The following SMYD3 variants were observed in gnomAD, a reference collection of about 807,000 sequenced individuals.
SMYD3 encodes the protein histone-lysine N-methyltransferase SMYD3.
A neutral mutation model predicts 57.7 loss-of-function variants in SMYD3; 36 were observed. That is an observed-to-expected ratio of 0.62 (90% CI 0.48 to 0.82). The LOEUF is 0.82. Ranked by LOEUF, SMYD3 falls within the 40% of genes least tolerant of loss-of-function variation. SMYD3 has a pLI of 0.00. For missense variants in SMYD3, 515 were observed against 538.8 expected (o/e 0.96, Z 0.44); for synonymous variants, 211 against 195.0 (o/e 1.08, Z -0.68).
chr1:246,183,676 AAGT>A (rs1264632287), intron 5 of SMYD3, among the ~76,000 whole-genome samples: 1 of 152,192 alleles, frequency 6.6e-6, no homozygotes, highest in Non-Finnish European at 1.5e-5. Context: ...CAGGGAAGTG[AAGT>A]AGTAGCTCAA....
At chr1:246,030,895 T>C (rs765340307) in intron 5 of SMYD3, among the ~76,000 whole-genome samples, 1 of 152,072 alleles carries the variant, frequency 6.6e-6, no homozygotes, top group African/African-American at 2.4e-5. Context: ...AATCCCAAAA[T>C]AGAATCCCCC....
chr1:246,101,071 GT>G (rs754724096), intron 5 of SMYD3, among the ~76,000 whole-genome samples: 168 of 54,114 alleles, frequency 3.1e-3, no homozygotes, highest in African/African-American at 5.9e-3. Context: ...GGGGTTTTTT[GT>G]TTTTTTTTTT....
At chr1:245,981,309 C>A (rs2058592190) in intron 5 of SMYD3, among the ~76,000 whole-genome samples, 1 of 152,198 alleles carries the variant, frequency 6.6e-6, no homozygotes, top group African/African-American at 2.4e-5. Flanking sequence ...GGATGAGGAT[C>A]TGCCACTGCT....
At chr1:245,749,716 GC>G in intron 11 of SMYD3, 52 bp from the exon 12 acceptor site, 1 of 1,439,370 alleles carries the variant, frequency 6.9e-7, no homozygotes, top group Non-Finnish European at 9.8e-7. Context: ...GTGAGCTCAG[GC>G]CATTCCCCAC....
chr1:246,106,054 C>A (rs1321878112), intron 5 of SMYD3, among the ~76,000 whole-genome samples: 1 of 152,192 alleles, frequency 6.6e-6, no homozygotes, highest in East Asian at 1.9e-4. Flanking sequence ...GCCCAGCATG[C>A]CAGTTTTGCT....
At chr1:246,212,083 T>C (rs547114011) in intron 5 of SMYD3, among the ~76,000 whole-genome samples, 1 of 152,044 alleles carries the variant, frequency 6.6e-6, no homozygotes, top group Non-Finnish European at 1.5e-5. Context: ...CACTCAATAC[T>C]GGTAAGGATG....
At chr1:246,310,424 T>G (rs2065056573) in intron 5 of SMYD3, among the ~76,000 whole-genome samples, 1 of 152,222 alleles carries the variant, frequency 6.6e-6, no homozygotes, top group African/African-American at 2.4e-5. Context: ...TACTAGCACC[T>G]AACTGGAGGA....
intron 5 of SMYD3, among the ~76,000 whole-genome samples, chr1:246,282,600 T>A (rs1002255059): frequency 6.6e-6 from 1 of 151,756 alleles, no homozygotes; most frequent in Non-Finnish European, 1.5e-5. Flanking sequence ...CCTATCATTA[T>A]TTTTCCACAT....
intron 1 of SMYD3, among the ~76,000 whole-genome samples, chr1:246,405,835 A>G (rs1158821286): frequency 6.7e-6 from 1 of 149,266 alleles, no homozygotes; most frequent in Non-Finnish European, 1.5e-5. Flanking sequence ...GCGTGAACCC[A>G]GGAGGCAGAG....
chr1:246,276,524 C>A (rs1216102823), intron 5 of SMYD3, among the ~76,000 whole-genome samples: 6 of 149,240 alleles, frequency 4.0e-5, no homozygotes, highest in Admixed American at 1.3e-4. Flanking sequence ...CTGTTTTTTA[C>A]TAGCCGTATT....
At chr1:246,152,230 A>C (rs1335849838) in intron 5 of SMYD3, among the ~76,000 whole-genome samples, 1 of 152,198 alleles carries the variant, frequency 6.6e-6, no homozygotes, top group Non-Finnish European at 1.5e-5. Flanking sequence ...AGCCTGGGAC[A>C]CCTGGCGTCT....
At chr1:246,303,140 C>G (rs2064921548) in intron 5 of SMYD3, among the ~76,000 whole-genome samples, 1 of 152,160 alleles carries the variant, frequency 6.6e-6, no homozygotes, top group South Asian at 2.1e-4. Flanking sequence ...CCAGGCTCTC[C>G]TACTTTGTTG....
intron 10 of SMYD3, among the ~76,000 whole-genome samples, chr1:245,821,139 T>C (rs1476017543): frequency 6.7e-6 from 1 of 150,050 alleles, no homozygotes. Flanking sequence ...CTACCTGACT[T>C]CAAACTATAC....
chr1:245,818,494 C>A (rs2048978637), intron 10 of SMYD3, among the ~76,000 whole-genome samples: 1 of 152,050 alleles, frequency 6.6e-6, no homozygotes, highest in Admixed American at 6.5e-5. Context: ...AACTAACGAG[C>A]AAAATAACCA....
Position 246,325,164 on chromosome 1 carries a change from G to A in SMYD3, c.531+2037C>T, listed in dbSNP as rs71638327. Among the ~76,000 whole-genome samples the A allele has an allele frequency of 7.1e-3, 4 of 564 alleles. 2 individuals carry two copies. The highest frequency in any genetic ancestry group is 0.01 in the Non-Finnish European group (2 of 200). The allele number at this position is 564 out of a possible 152,430, so 0.4% of individuals were successfully genotyped here. A position where few individuals can be genotyped will look rare whatever the true frequency, so the allele number is the denominator to read the frequency against. On this transcript the variant is annotated intron_variant, in intron 5 of 11. Transcript: ENST00000490107. ...AGGAGGGAGAAGGAGTCGGGGGGGCGGGAAGGAGGGAAAAGGAGTCGGGGG... is the reference window on the plus strand; with the variant it reads ...AGGAGGGAGAAGGAGTCGGGGGGGCAGGAAGGAGGGAAAAGGAGTCGGGGG...
chr1:246,461,102 G>T (rs2067790731), intron 1 of SMYD3, among the ~76,000 whole-genome samples: 1 of 152,204 alleles, frequency 6.6e-6, no homozygotes, highest in Non-Finnish European at 1.5e-5. Flanking sequence ...AAAAATGTAA[G>T]TTAAAGAGAA....
At chr1:245,872,432 G>A (rs1198881324) in intron 8 of SMYD3, among the ~76,000 whole-genome samples, 1 of 95,340 alleles carries the variant, frequency 1.0e-5, no homozygotes, top group African/African-American at 4.8e-5. Flanking sequence ...CAGAGTTCCT[G>A]CCGCCTTCTC....
rs554772553 is a variant in SMYD3, at chr1:245,883,877, G to A, written c.814-19991C>T. ...TTGTCGTGGGAAGCAACAGATAAAG[G>A]TGAAAATGGCCAAAACCCAGAGTGG... is the stretch of plus-strand genomic sequence containing the variant. On this transcript the variant is annotated intron_variant, in intron 8 of 11. Transcript: ENST00000490107. Among the ~76,000 whole-genome samples, 5 of 152,276 alleles carry A rather than the reference G, an allele frequency of 3.3e-5. 1 individual carries two copies. Among genetic ancestry groups the A allele is most frequent in the African/African-American group, 1.2e-4 (5 of 41,568 alleles).
At chr1:245,977,756 C>G (rs369684389) in intron 5 of SMYD3, among the ~76,000 whole-genome samples, 29 of 152,320 alleles carry the variant, frequency 1.9e-4, no homozygotes, top group African/African-American at 6.7e-4. Flanking sequence ...CACTTACCAC[C>G]ATTTATAATA....
Sources: gnomAD v4.1 joint callset for allele counts (sites outside exome capture counted in the v4.1 genomes callset) on GRCh38, gnomAD v4.1.1 for gene constraint, MANE v1.5 for transcripts, NCBI Gene and HGNC (gene_info 2026-07-23, HGNC 2026-07-21) for gene names.